CMPK2: variants seen among roughly 807,000 people sequenced by gnomAD.
CMPK2 encodes the protein cytidine/uridine monophosphate kinase 2, also known as UMP-CMP kinase 2, mitochondrial.
CMPK2 carries 32 observed loss-of-function variants against 33.4 expected under a neutral mutation model. The ratio of observed to expected loss-of-function variants is 0.96; its 90% CI spans 0.72 to 1.29. The LOEUF (loss-of-function observed/expected upper bound fraction) is 1.29, where lower values mean the gene tolerates loss of function less well. Ranked by LOEUF, CMPK2 falls within the 50% of genes most tolerant of loss-of-function variation. The probability of loss-of-function intolerance (pLI) is 0.00; values close to 1 mark genes in which losing one functional copy is unlikely to be tolerated. For missense variants in CMPK2, 672 were observed against 616.0 expected (o/e 1.09, Z -0.96); for synonymous variants, 299 against 275.3 (o/e 1.09, Z -0.85).
chr2:6,843,437 T>C (rs1256279993), downstream of CMPK2, among the ~76,000 whole-genome samples: 1 of 152,158 alleles, frequency 6.6e-6, no homozygotes, highest in Non-Finnish European at 1.5e-5. Flanking sequence ...CCTATGCCTT[T>C]AAATTATTAA....
At chr2:6,852,435 C>A (rs1367341298) in intron 3 of CMPK2, among the ~76,000 whole-genome samples, 1 of 152,186 alleles carries the variant, frequency 6.6e-6, no homozygotes, top group African/African-American at 2.4e-5. Context: ...CCCTCCTAGT[C>A]TGCACCTGCT....
At position 6,861,286 on chromosome 2, in the gene CMPK2, T is replaced by C. The variant is rs919958721; in HGVS notation, c.890A>G (p.Asp297Gly). 1 of 1,613,958 alleles carries C rather than the reference T, an allele frequency of 6.2e-7. No individual in the cohort carries two copies. The highest frequency in any genetic ancestry group is 8.5e-7 in the Non-Finnish European group (1 of 1,179,952). ...CIGQWRKIFD[D>G]EPTIIRRAFY... ...AGCTCTTCTAATGATAGTTGGTTCA[T>C]CATCAAAGATCTTCCTCCACTGGCC... Residue 297 changes from aspartate to glycine, a missense_variant, in exon 3 of 5, where the codon GAT becomes GGT. By Grantham distance (94) the Asp-to-Gly change is moderately conservative. Coordinates refer to ENST00000256722, the MANE Select transcript of CMPK2 (RefSeq NM_207315.4).
rs1483750612 is a variant in CMPK2 at position 6,863,623 on chromosome 2, T to C, written c.676-45A>G. ...CATCAGCAATGAAGCCAGGGGGCTT[T>C]TGCAGAAATCACACCTAAATTGCTG... On this transcript the variant is annotated intron_variant, in intron 1 of 4. Coordinates refer to ENST00000256722, the MANE Select transcript of CMPK2 (RefSeq NM_207315.4). 2.1e-6 allele frequency: 3 copies of C among 1,462,562 alleles called. No individual in the cohort carries two copies. The African/African-American group carries it at 4.2e-5, about 21-fold the overall frequency. 90.6% of individuals were successfully genotyped at this position (1,462,562 alleles called of 1,614,324 possible). A position where few individuals can be genotyped will look rare whatever the true frequency, so the allele number is the denominator to read the frequency against.
chr2:6,866,350 C>T (rs999827725), upstream of CMPK2: 23 of 817,644 alleles, frequency 2.8e-5, no homozygotes, highest in Non-Finnish European at 3.4e-5. Context: ...GCAGTTCTGG[C>T]TCTTCCCTCT....
downstream of CMPK2, among the ~76,000 whole-genome samples, chr2:6,843,517 A>G (rs1662280897): frequency 6.6e-6 from 1 of 152,120 alleles, no homozygotes; most frequent in African/African-American, 2.4e-5. Flanking sequence ...AGGAGGTGGG[A>G]TCCTTAAGGT....
At chr2:6,843,484 G>C (rs144712821), downstream of CMPK2, among the ~76,000 whole-genome samples, 194 of 152,196 alleles carry the variant, frequency 1.3e-3, no homozygotes, top group African/African-American at 4.6e-3. Context: ...ACTGCATTAG[G>C]GGGTACTGCT....
chr2:6,865,961 T>G, upstream of CMPK2: 25 of 1,121,224 alleles, frequency 2.2e-5, no homozygotes, highest in East Asian at 9.4e-5. Context: ...GGGCCCCAGG[T>G]GCGCGGCTCC....
At chr2:6,846,332 G>A (rs148501490), downstream of CMPK2, among the ~76,000 whole-genome samples, 70 of 152,276 alleles carry the variant, frequency 4.6e-4, no homozygotes, top group African/African-American at 4.3e-4. Flanking sequence ...ATATTCACTC[G>A]GGGTGAAAGA....
intron 3 of CMPK2, among the ~76,000 whole-genome samples, chr2:6,852,728 G>C (rs1240894484): frequency 6.6e-6 from 1 of 152,132 alleles, no homozygotes; most frequent in Non-Finnish European, 1.5e-5. Context: ...TGTTATTTGG[G>C]TGTATAAATG....
chr2:6,845,301 T>C (rs1572130668), downstream of CMPK2, among the ~76,000 whole-genome samples: 1 of 152,154 alleles, frequency 6.6e-6, no homozygotes, highest in Non-Finnish European at 1.5e-5. Context: ...AACCTCAGCA[T>C]CAAAGGAGTT....
intron 3 of CMPK2, among the ~76,000 whole-genome samples, chr2:6,858,325 C>T (rs760754059): frequency 2.0e-5 from 3 of 151,954 alleles, no homozygotes; most frequent in Non-Finnish European, 4.4e-5. Context: ...GATTTTTCCT[C>T]TTCCCTGCAT....
At chr2:6,854,247 T>C (rs1419646780) in intron 3 of CMPK2, among the ~76,000 whole-genome samples, 1 of 152,208 alleles carries the variant, frequency 6.6e-6, no homozygotes. Context: ...GAGTCTGATA[T>C]TATCTTATTT....
rs1035200989 is a variant in CMPK2, at chr2:6,848,650, G to C, written c.*1200C>G. The stretch of plus-strand genomic sequence containing the variant: ...AAGCCTTAAATTTAATTATTTTGGA[G>C]TAATGTCTTCTTAAGAAATGGTAGA... On this transcript the variant is annotated 3_prime_UTR_variant, in exon 5 of 5. Coordinates refer to ENST00000256722, the MANE Select transcript of CMPK2 (RefSeq NM_207315.4). 25 of 972,872 alleles carry C rather than the reference G, an allele frequency of 2.6e-5. No homozygotes were observed. The highest frequency in any genetic ancestry group is 3.1e-5 in the Non-Finnish European group (25 of 818,168). 60.3% of individuals were successfully genotyped at this position (972,872 alleles called of 1,614,324 possible).
chr2:6,865,552 C>T lies in CMPK2; in HGVS notation c.145G>A (p.Ala49Thr), dbSNP rs763159971. 6 of 1,320,054 alleles carry T rather than the reference C, an allele frequency of 4.5e-6. No individual in the cohort carries two copies. Among genetic ancestry groups the T allele is most frequent in the Non-Finnish European group, 4.8e-6 (5 of 1,039,308 alleles). The allele number at this position is 1,320,054 out of a possible 1,614,324, so 81.8% of individuals were successfully genotyped here. The change falls in exon 1 of 5, where the codon GCC becomes ACC. Residue 49 changes from alanine (A) to threonine (T), a missense_variant. Coordinates refer to ENST00000256722, the MANE Select transcript of CMPK2 (RefSeq NM_207315.4). ...GCGTCTGCGTCGCCGGGGGCGTCGG[C>T]GCCTAGGGCGAAGTGAGCCAGGGTG... is the stretch of plus-strand genomic sequence containing the variant. ...DCTLAHFALG[A>T]DAPGDADAPD...
chr2:6,850,012 T>C (rs1452693849), intron 4 of CMPK2, 39 bp from the exon 5 acceptor site: 5 of 1,475,706 alleles, frequency 3.4e-6, no homozygotes, highest in Non-Finnish European at 4.7e-6. Context: ...GTCTACTTTT[T>C]CACACAGCTA....
chr2:6,845,789 T>C (rs1049600468), downstream of CMPK2, among the ~76,000 whole-genome samples: 2 of 152,198 alleles, frequency 1.3e-5, no homozygotes, highest in African/African-American at 2.4e-5. Context: ...ATGGGACTGA[T>C]TAACTTCCAA....
Position 6,865,657 on chromosome 2 carries a change from C to G in CMPK2, c.40G>C (p.Gly14Arg), listed in dbSNP as rs928359308. ...ACCCCGCGCCGCCCGAGCAGCGGCC[C>G]CGACAGTGGCCCGCGCAGGAGCCGG... is the stretch of plus-strand genomic sequence containing the variant. ...ARRLLRGPLS[G>R]PLLGRRGVCA... Residue 14 changes from glycine (G) to arginine (R), a missense_variant, in exon 1 of 5, where the codon GGG becomes CGG. Gly to Arg is a moderately radical substitution (Grantham distance 125, BLOSUM62 -2). Transcript: ENST00000256722. 3.8e-6 allele frequency: 5 copies of G among 1,320,876 alleles called. No homozygotes were observed. Among genetic ancestry groups the G allele is most frequent in the Non-Finnish European group, 4.8e-6 (5 of 1,043,578 alleles). 81.8% of individuals were successfully genotyped at this position (1,320,876 alleles called of 1,614,324 possible). A position where few individuals can be genotyped will look rare whatever the true frequency, so the allele number is the denominator to read the frequency against.
At chr2:6,848,315 A>T (rs987034243), downstream of CMPK2, 2 of 975,650 alleles carry the variant, frequency 2.0e-6, no homozygotes, top group Admixed American at 6.2e-5. Flanking sequence ...GGATGACAGC[A>T]TAGATTAGTA....
intron 3 of CMPK2, among the ~76,000 whole-genome samples, chr2:6,841,082 T>C (rs1444242526): frequency 6.6e-6 from 1 of 152,102 alleles, no homozygotes; most frequent in African/African-American, 2.4e-5. Context: ...ATGAAGATGG[T>C]ATTGTATGCT....
Sources: allele counts gnomAD v4.1 joint callset (sites outside exome capture counted in the v4.1 genomes callset), GRCh38; gene constraint gnomAD v4.1.1; transcripts MANE v1.5; gene names NCBI Gene and HGNC (gene_info 2026-07-23, HGNC 2026-07-21).